Variants in SGMS2 observed in about 807,000 individuals in gnomAD.
SGMS2 encodes sphingomyelin synthase 2.
A neutral mutation model predicts 43.8 loss-of-function variants in SGMS2; 21 were observed. That is an observed-to-expected ratio of 0.48 (90% confidence interval 0.34 to 0.69). The LOEUF (loss-of-function observed/expected upper bound fraction) is 0.69, where lower values mean the gene tolerates loss of function less well. Among genes scored for constraint, SGMS2 ranks in the 30% least tolerant of loss-of-function variants. The pLI, the probability that SGMS2 is intolerant of heterozygous loss-of-function variation, is 0.01. For missense variants in SGMS2, 384 were observed against 443.2 expected, an observed-to-expected ratio of 0.87 and a Z score of 1.20; for synonymous variants, 167 against 160.6, an observed-to-expected ratio of 1.04 and a Z score of -0.30.
chr4:107,846,858 G>A (rs2126007962), intron 1 of SGMS2, among the ~76,000 whole-genome samples: 1 of 149,850 alleles, frequency 6.7e-6, no homozygotes, highest in Non-Finnish European at 1.5e-5. Flanking sequence ...TTTCTCTGAT[G>A]GCCAGTGATG....
intron 2 of SGMS2, among the ~76,000 whole-genome samples, chr4:107,891,175 CTA>C (rs1730188703): frequency 2.0e-5 from 3 of 149,580 alleles, no homozygotes; most frequent in Non-Finnish European, 1.5e-5. Context: ...TTGTGTGTGT[CTA>C]TGAGAATTTA....
intron 2 of SGMS2, among the ~76,000 whole-genome samples, chr4:107,860,056 A>C (rs1254633489): frequency 6.6e-6 from 1 of 152,026 alleles, no homozygotes; most frequent in African/African-American, 2.4e-5. Flanking sequence ...AGTCTGCCCA[A>C]ATTCTGCCTC....
rs775892467 is a variant in SGMS2, at chr4:107,895,763, C to T, written c.210C>T (p.Asn70=). Residue 70 remains asparagine, a synonymous_variant, in exon 3 of 7, where the codon AAC becomes AAT. Coordinates refer to ENST00000690982, the MANE Select transcript of SGMS2 (RefSeq NM_001375905.1). ...IQIAMPTESR[N]KFPLEWWKTG... is the part of the protein sequence containing the mutation. ...TTGCTATGCCCACTGAATCAAGGAA[C>T]AAATTTCCACTAGAGTGGTGGAAAA... 1.5e-5 allele frequency: 24 copies of T among 1,613,822 alleles called. No individual in the cohort carries two copies. The South Asian group carries it at 2.2e-4, about 15-fold the overall frequency.
At chr4:107,869,991 T>A (rs569034777) in intron 2 of SGMS2, among the ~76,000 whole-genome samples, 7 of 152,280 alleles carry the variant, frequency 4.6e-5, no homozygotes, top group African/African-American at 1.7e-4. Context: ...ACCATGATTG[T>A]GGAGCTGTCA....
chr4:107,864,470 G>A lies in SGMS2; in HGVS notation c.-245+5917G>A, dbSNP rs531347475. ...GCCTGAAAGTCAAAAGGATGAAAAG[G>A]ATTGGGGAGTGACTCTCAGAGTTGC... On this transcript the variant is annotated intron_variant, in intron 2 of 6. Coordinates refer to ENST00000690982, the MANE Select transcript of SGMS2 (RefSeq NM_001375905.1). The A allele has an allele frequency of 2.0e-5, 3 of 152,280 alleles. 1 individual carries two copies. The highest frequency in any genetic ancestry group is 4.1e-4 in the South Asian group (2 of 4,820). The allele number at this position is 152,280 out of a possible 1,614,324, so 9.4% of individuals were successfully genotyped here.
At chr4:107,908,482 T>C (rs1004279918) in intron 5 of SGMS2, 83 bp from the exon 6 acceptor site, 2 of 1,352,184 alleles carry the variant, frequency 1.5e-6, no homozygotes, top group East Asian at 2.3e-5. Context: ...TGGGTTATTC[T>C]ACTTAAGGTC....
At chr4:107,893,832 T>C (rs769859612) in intron 2 of SGMS2, among the ~76,000 whole-genome samples, 1 of 152,184 alleles carries the variant, frequency 6.6e-6, no homozygotes, top group African/African-American at 2.4e-5. Flanking sequence ...CCTCTCACTT[T>C]ACCTAGTGAT....
At chr4:107,826,565 GAAGCAGTGC>G (rs1313836465) in intron 1 of SGMS2, among the ~76,000 whole-genome samples, 4 of 151,670 alleles carry the variant, frequency 2.6e-5, no homozygotes, top group East Asian at 3.8e-4. Flanking sequence ...TTTTCCTAAA[GAAGCAGTGC>G]AAGCAGTGCA....
intron 1 of SGMS2, among the ~76,000 whole-genome samples, chr4:107,851,195 G>T (rs563120956): frequency 6.6e-6 from 1 of 152,310 alleles, no homozygotes; most frequent in South Asian, 2.1e-4. Context: ...GGGTGTGGAA[G>T]TCTACGGTGC....
intron 2 of SGMS2, among the ~76,000 whole-genome samples, chr4:107,865,095 A>G (rs1372120994): frequency 2.6e-5 from 4 of 152,240 alleles, no homozygotes; most frequent in Non-Finnish European, 5.9e-5. Flanking sequence ...AGTGATTCAA[A>G]TAAGCTTCGA....
At chr4:107,864,719 CT>C (rs1727988627) in intron 2 of SGMS2, among the ~76,000 whole-genome samples, 1 of 152,128 alleles carries the variant, frequency 6.6e-6, no homozygotes, top group African/African-American at 2.4e-5. Context: ...ACTTTTCAAT[CT>C]CTATAAAAAG....
At chr4:107,883,368 A>ACC (rs1287951092) in intron 2 of SGMS2, among the ~76,000 whole-genome samples, 3 of 152,114 alleles carry the variant, frequency 2.0e-5, no homozygotes, top group African/African-American at 7.2e-5. Context: ...AGGCTGGAGC[A>ACC]CAGTGGTGCA....
At chr4:107,862,974 C>T (rs186449337) in intron 2 of SGMS2, among the ~76,000 whole-genome samples, 2 of 152,282 alleles carry the variant, frequency 1.3e-5, no homozygotes, top group East Asian at 3.9e-4. Flanking sequence ...TAGAGCTTCT[C>T]GCTTATGTGT....
intron 2 of SGMS2, among the ~76,000 whole-genome samples, chr4:107,890,226 C>G (rs1480868080): frequency 6.6e-6 from 1 of 152,036 alleles, no homozygotes; most frequent in East Asian, 1.9e-4. Context: ...GGTTTCTCCC[C>G]GAAAGGGAGT....
chr4:107,898,097 A>G (rs1431594651), intron 3 of SGMS2, among the ~76,000 whole-genome samples: 1 of 152,178 alleles, frequency 6.6e-6, no homozygotes, highest in Non-Finnish European at 1.5e-5. Flanking sequence ...GGTTGGATCA[A>G]AGGCTAAATT....
At chr4:107,850,550 T>C (rs1411492940) in intron 1 of SGMS2, among the ~76,000 whole-genome samples, 7 of 152,172 alleles carry the variant, frequency 4.6e-5, no homozygotes, top group Non-Finnish European at 1.0e-4. Context: ...GAAGGTGCCA[T>C]ATTCTGAGAT....
At chr4:107,886,641 G>C (rs890483002) in intron 2 of SGMS2, 5 of 152,084 alleles carry the variant, frequency 3.3e-5, no homozygotes, top group African/African-American at 1.2e-4. Context: ...TCCTAGGCCT[G>C]TCAGAAAGTG....
chr4:107,891,907 T>A (rs934830653), intron 2 of SGMS2, among the ~76,000 whole-genome samples: 3 of 151,992 alleles, frequency 2.0e-5, no homozygotes, highest in African/African-American at 4.8e-5. Flanking sequence ...AGGTAGCCAT[T>A]TTGTATTGGC....
chr4:107,882,714 T>C (rs1729458387), intron 2 of SGMS2, among the ~76,000 whole-genome samples: 1 of 152,204 alleles, frequency 6.6e-6, no homozygotes. Context: ...ATTCTACAAG[T>C]TGATTTTTTT....
Sources: gnomAD v4.1 joint callset for allele counts (sites outside exome capture counted in the v4.1 genomes callset) on GRCh38, gnomAD v4.1.1 for gene constraint, MANE v1.5 for transcripts, NCBI Gene and HGNC (gene_info 2026-07-23, HGNC 2026-07-21) for gene names.